The following MIA2 variants were observed in gnomAD, a reference collection of about 807,000 sequenced individuals.
MIA2 encodes the protein MIA SH3 domain ER export factor 2, also known as melanoma inhibitory activity protein 2.
In MIA2, 127 loss-of-function variants were observed where a neutral mutation model predicts 167.8. That is an observed-to-expected ratio of 0.76 (90% CI 0.66 to 0.88). MIA2 has a LOEUF of 0.88. Among genes scored for constraint, MIA2 ranks in the 40% least tolerant of loss-of-function variants. The probability of loss-of-function intolerance (pLI) is 0.00; values close to 1 mark genes in which losing one functional copy is unlikely to be tolerated. For missense variants in MIA2, 1,690 were observed against 1,624.7 expected, an observed-to-expected ratio of 1.04 and a Z score of -0.69; for synonymous variants, 552 against 541.9, an observed-to-expected ratio of 1.02 and a Z score of -0.26.
intron 2 of MIA2, among the ~76,000 whole-genome samples, chr14:39,239,871 A>T (rs1057405956): frequency 6.6e-6 from 1 of 152,192 alleles, no homozygotes; most frequent in African/African-American, 2.4e-5. Context: ...GAGCTGGACA[A>T]ATCACAGTTG....
At chr14:39,314,242 T>C (rs1368362432) in intron 19 of MIA2, among the ~76,000 whole-genome samples, 1 of 151,770 alleles carries the variant, frequency 6.6e-6, no homozygotes, top group Non-Finnish European at 1.5e-5. Flanking sequence ...AAAAAATTAG[T>C]TGGTCGTGGT....
At chr14:39,361,020 T>A (rs1345468715) in intron 23 of MIA2, among the ~76,000 whole-genome samples, 4 of 152,238 alleles carry the variant, frequency 2.6e-5, no homozygotes, top group African/African-American at 9.6e-5. Context: ...TGTCTATTTT[T>A]ATACCAATAC....
chr14:39,259,639 T>C (rs2152651646), intron 6 of MIA2, among the ~76,000 whole-genome samples: 3 of 145,778 alleles, frequency 2.1e-5, no homozygotes, highest in East Asian at 2.0e-4. Flanking sequence ...GAAGCAATCT[T>C]CCCACCTCAG....
At chr14:39,324,318 T>C (rs1045477751) in intron 24 of MIA2, among the ~76,000 whole-genome samples, 1 of 152,136 alleles carries the variant, frequency 6.6e-6, no homozygotes, top group Admixed American at 6.5e-5. Flanking sequence ...TTCCCAGCCT[T>C]CTTCTTCTAA....
chr14:39,317,005 A>G (rs2065577602), intron 21 of MIA2, among the ~76,000 whole-genome samples: 1 of 152,186 alleles, frequency 6.6e-6, no homozygotes, highest in Admixed American at 6.5e-5. Context: ...TATTTAGTGA[A>G]GTCTTCTAAG....
intron 23 of MIA2, among the ~76,000 whole-genome samples, chr14:39,371,131 T>C (rs889491751): frequency 2.0e-5 from 3 of 152,214 alleles, no homozygotes. Context: ...TTTGTGAATA[T>C]AGTTTACTTG....
intron 25 of MIA2, among the ~76,000 whole-genome samples, chr14:39,344,966 A>G (rs2072903079): frequency 6.6e-6 from 1 of 152,206 alleles, no homozygotes; most frequent in Non-Finnish European, 1.5e-5. Context: ...AGCACTTGAG[A>G]TAGTTGGTGT....
At chr14:39,358,424 C>G (rs1313970522) in intron 23 of MIA2, among the ~76,000 whole-genome samples, 1 of 152,176 alleles carries the variant, frequency 6.6e-6, no homozygotes, top group Non-Finnish European at 1.5e-5. Context: ...AGGGATTTCT[C>G]TGCATTGGTT....
intron 23 of MIA2, among the ~76,000 whole-genome samples, chr14:39,380,105 G>C (rs2075124099): frequency 6.6e-6 from 1 of 152,166 alleles, no homozygotes; most frequent in Admixed American, 6.5e-5. Context: ...ATTAAGCCAA[G>C]AGCATAGAAT....
In MIA2 at chr14:39,348,888, C is replaced by T. The variant is rs771852200; in HGVS notation, c.3983C>T (p.Pro1328Leu). 5.9e-5 allele frequency: 96 copies of T among 1,614,036 alleles called. No homozygotes were observed. The African/African-American group carries it at 6.4e-4, about 11-fold the overall frequency. ...GPFLRRGPPF[P>L]PPPPGAMFGA... ...TTCTTGAGAAGAGGACCTCCTTTCC[C>T]CCCACCTCCTCCAGGAGCCATGTTT... The change falls in exon 28 of 29, where the codon CCC becomes CTC. Residue 1328 changes from proline (P) to leucine (L), a missense_variant. Transcript: ENST00000640607.
At chr14:39,329,905 A>G (rs1035465285) in intron 25 of MIA2, among the ~76,000 whole-genome samples, 1 of 152,180 alleles carries the variant, frequency 6.6e-6, no homozygotes, top group African/African-American at 2.4e-5. Flanking sequence ...ATCAATGTTC[A>G]TCAGAGATAT....
intron 9 of MIA2, among the ~76,000 whole-genome samples, chr14:39,289,600 A>G (rs931027460): frequency 6.6e-6 from 1 of 152,210 alleles, no homozygotes; most frequent in Admixed American, 6.5e-5. Context: ...AACAACACAC[A>G]TTTATTCTCT....
chr14:39,277,669 CTT>C lies in MIA2; in HGVS notation c.2019+607_2019+608del, dbSNP rs1566681756. Among the ~76,000 whole-genome samples the C allele has an allele frequency of 8.3e-3, 564 of 68,266 alleles. 58 individuals are homozygous for C. The highest frequency in any genetic ancestry group is 0.027 in the African/African-American group (523 of 19,558). 44.8% of individuals were successfully genotyped at this position (68,266 alleles called of 152,430 possible). Reference sequence around the variant, plus strand: ...CAACTGGAATCTTTTAATGTAAGATCTTTTATATATATATATATGTGTGTATA... The same window carrying C: ...CAACTGGAATCTTTTAATGTAAGATCTTATATATATATATATGTGTGTATA... On this transcript the variant is annotated intron_variant, in intron 7 of 28. Coordinates refer to ENST00000640607, the MANE Select transcript of MIA2 (RefSeq NM_001329214.4).
intron 4 of MIA2, among the ~76,000 whole-genome samples, chr14:39,250,532 C>T (rs1054656033): frequency 6.6e-6 from 1 of 151,212 alleles, no homozygotes; most frequent in African/African-American, 2.4e-5. Context: ...CCTGTCTCTA[C>T]TAAAAATAGA....
chr14:39,285,493 C>G (rs1274377382), intron 9 of MIA2, among the ~76,000 whole-genome samples: 3 of 146,696 alleles, frequency 2.0e-5, no homozygotes, highest in Non-Finnish European at 4.6e-5. Flanking sequence ...ACCTCCCTCC[C>G]GGACGGGGCG....
At chr14:39,280,043 A>AGG (rs1414707381) in intron 9 of MIA2, among the ~76,000 whole-genome samples, 4 of 35,826 alleles carry the variant, frequency 1.1e-4, no homozygotes, top group African/African-American at 2.7e-4. Flanking sequence ...GGTGCAGTTG[A>AGG]GGGTGTGTGT....
chr14:39,307,389 AATT>A (rs1186387011), intron 17 of MIA2, among the ~76,000 whole-genome samples: 3 of 125,164 alleles, frequency 2.4e-5, no homozygotes, highest in African/African-American at 6.4e-5. Context: ...AAGTTAAAAG[AATT>A]TTTTTTTTTT....
intron 25 of MIA2, among the ~76,000 whole-genome samples, chr14:39,329,323 T>C (rs778364280): frequency 6.6e-6 from 1 of 152,220 alleles, no homozygotes; most frequent in African/African-American, 2.4e-5. Flanking sequence ...CCTGAGACTT[T>C]GCTGAAGTTG....
In MIA2 at chr14:39,359,637, C is replaced by T. The variant is rs544507369; in HGVS notation, c.2248+10660C>T. On this transcript the variant is annotated intron_variant, in intron 23 of 23. Coordinates refer to the MIA2 transcript ENST00000341502. Reference sequence around the variant, plus strand: ...AAATGCAGAAATCACCTGTCTTCTGCGTCGCTCACACTGGGAGCTCTAGGC... The same window carrying T: ...AAATGCAGAAATCACCTGTCTTCTGTGTCGCTCACACTGGGAGCTCTAGGC... 5.2e-4 allele frequency among the ~76,000 whole-genome samples: 79 copies of T among 152,290 alleles called. 1 individual carries two copies. The highest frequency in any genetic ancestry group is 8.4e-4 in the Non-Finnish European group (57 of 68,018).
Sources: gnomAD v4.1 joint callset for allele counts (sites outside exome capture counted in the v4.1 genomes callset) on GRCh38, gnomAD v4.1.1 for gene constraint, MANE v1.5 for transcripts, NCBI Gene and HGNC (gene_info 2026-07-23, HGNC 2026-07-21) for gene names.